Variants in PLCD4 observed in about 807,000 individuals in gnomAD.
PLCD4 encodes the protein phospholipase C delta 4, also known as 1-phosphatidylinositol 4,5-bisphosphate phosphodiesterase delta-4.
A neutral mutation model predicts 90.2 loss-of-function variants in PLCD4; 63 were observed. The ratio of observed to expected loss-of-function variants is 0.70; its 90% CI spans 0.57 to 0.86. The LOEUF (loss-of-function observed/expected upper bound fraction) is 0.86. PLCD4 is among the 40% of genes least tolerant of loss of function. PLCD4 has a pLI of 0.00. For synonymous variants in PLCD4, 294 were observed against 356.5 expected (o/e 0.82, Z 1.97); for missense variants, 830 against 956.3 (o/e 0.87, Z 1.74).
At chr2:218,633,913 T>C (rs1344705665) in intron 11 of PLCD4, 152 bp downstream of exon 11, 2 of 1,201,922 alleles carry the variant, frequency 1.7e-6, no homozygotes, top group Admixed American at 4.2e-5. Context: ...GGCAGAGGAG[T>C]TATGAATAGT....
At chr2:218,628,917 A>G (rs1696233589) in intron 7 of PLCD4, 1 of 154,074 alleles carries the variant, frequency 6.5e-6, no homozygotes, top group African/African-American at 2.4e-5. Flanking sequence ...TTGTATAGGG[A>G]TATAAAGCCA....
chr2:218,632,164 G>A lies in PLCD4; in HGVS notation c.1301G>A (p.Gly434Glu), dbSNP rs1696410255. 6.2e-7 allele frequency: 1 copy of A among 1,609,728 alleles called. No individual in the cohort carries two copies. The highest frequency in any genetic ancestry group is 8.5e-7 in the Non-Finnish European group (1 of 1,178,384). ...EELRRKILVK[G>E]KKLTLEEDLE... The stretch of plus-strand genomic sequence containing the variant: ...CTTCGGAGGAAGATCCTGGTGAAGG[G>A]GAAGAAGTTAACACTTGAGGAAGAC... The change falls in exon 10 of 16, where the codon GGG (glycine) becomes GAG (glutamate). Residue 434 changes from glycine to glutamate, a missense_variant. Gly to Glu is a moderately conservative substitution (Grantham distance 98, BLOSUM62 -2). Transcript: ENST00000450993.
intron 3 of PLCD4, among the ~76,000 whole-genome samples, chr2:218,616,384 C>T (rs1459918319): frequency 2.6e-5 from 4 of 152,114 alleles, no homozygotes; most frequent in African/African-American, 9.7e-5. Context: ...CTGGCTCTGC[C>T]ACTTTCTAAC....
chr2:218,623,532 T>C (rs569159478), intron 6 of PLCD4, among the ~76,000 whole-genome samples: 1 of 152,362 alleles, frequency 6.6e-6, no homozygotes, highest in Non-Finnish European at 1.5e-5. Context: ...GTGAGAAATT[T>C]ACATTAATAA....
At chr2:218,611,641 C>T (rs1695337211) in intron 1 of PLCD4, among the ~76,000 whole-genome samples, 1 of 152,182 alleles carries the variant, frequency 6.6e-6, no homozygotes, top group African/African-American at 2.4e-5. Context: ...CTCCGTCACC[C>T]AGGCTGGAGT....
At chr2:218,621,222 GCGTCTGGC>G (rs1575022712) in intron 4 of PLCD4, among the ~76,000 whole-genome samples, 1 of 152,208 alleles carries the variant, frequency 6.6e-6, no homozygotes, top group African/African-American at 2.4e-5. Flanking sequence ...ACGAGCCATC[GCGTCTGGC>G]CAGAATATAG....
Position 218,622,679 on chromosome 2 carries a change from A to G in PLCD4, c.573A>G (p.Glu191=), listed in dbSNP as rs1427225201. ...ACACGTCCCAGTCTGGAACCCTGGA[A>G]GGAGAAGAATTCGTACAGTTCTATA... ...AADTSQSGTL[E]GEEFVQFYKA... is the part of the protein sequence containing the mutation. Residue 191 remains glutamate, a synonymous_variant, in exon 6 of 16, where the codon GAA becomes GAG. Coordinates refer to ENST00000450993, the MANE Select transcript of PLCD4 (RefSeq NM_032726.4). 1.2e-6 allele frequency: 2 copies of G among 1,613,862 alleles called. No individual in the cohort carries two copies. The highest frequency in any genetic ancestry group is 2.7e-5 in the African/African-American group (2 of 74,926).
chr2:218,618,417 G>A (rs1474458932), intron 3 of PLCD4, among the ~76,000 whole-genome samples, 162 bp from the exon 4 acceptor site: 1 of 152,222 alleles, frequency 6.6e-6, no homozygotes, highest in Non-Finnish European at 1.5e-5. Context: ...AATCCCTGGG[G>A]TCTGCATCTC....
At chr2:218,619,372 C>T (rs1025464218) in intron 4 of PLCD4, among the ~76,000 whole-genome samples, 5 of 151,976 alleles carry the variant, frequency 3.3e-5, no homozygotes, top group Admixed American at 1.3e-4. Flanking sequence ...CAGCTCACTG[C>T]AACCTCTGCC....
chr2:218,629,729 G>T lies in PLCD4; in HGVS notation c.1119+66G>T, dbSNP rs1048495670. On this transcript the variant is annotated intron_variant, in intron 8 of 15. Coordinates refer to ENST00000450993, the MANE Select transcript of PLCD4 (RefSeq NM_032726.4). ...TCTGAGGGAAGAACGACTGGCTCTG[G>T]GTCTGGGGAGGGTGGAGGAGTACAG... The T allele has an allele frequency of 1.6e-4, 243 of 1,556,302 alleles. No homozygotes were observed. In the Middle Eastern group the frequency reaches 2.3e-3, roughly 15 times the overall value.
intron 6 of PLCD4, among the ~76,000 whole-genome samples, chr2:218,626,258 CAAAA>C (rs10616178): frequency 1.6e-4 from 21 of 135,232 alleles, no homozygotes; most frequent in Non-Finnish European, 1.6e-4. Flanking sequence ...CTCTGTCTCC[CAAAA>C]AAAAAAAAAA....
intron 9 of PLCD4, among the ~76,000 whole-genome samples, chr2:218,631,771 G>A (rs1183251878): frequency 6.8e-6 from 1 of 147,952 alleles, no homozygotes; most frequent in Non-Finnish European, 1.5e-5. Flanking sequence ...CAGCCCGGGC[G>A]ACAGTGCGAG....
intron 6 of PLCD4, among the ~76,000 whole-genome samples, chr2:218,624,066 T>TTCC (rs1696001293): frequency 6.6e-6 from 1 of 152,218 alleles, no homozygotes; most frequent in African/African-American, 2.4e-5. Flanking sequence ...AACTGAGGTT[T>TTCC]AGAAAGATTC....
intron 3 of PLCD4, among the ~76,000 whole-genome samples, chr2:218,617,664 C>T (rs1281375035): frequency 6.6e-6 from 1 of 152,098 alleles, no homozygotes; most frequent in African/African-American, 2.4e-5. Context: ...AATTTGATCA[C>T]AGGACACATC....
chr2:218,612,882 A>G (rs1215209134), intron 1 of PLCD4, among the ~76,000 whole-genome samples: 1 of 152,222 alleles, frequency 6.6e-6, no homozygotes, highest in Non-Finnish European at 1.5e-5. Flanking sequence ...GTGACTTTAT[A>G]GGGTCTTCCC....
intron 6 of PLCD4, among the ~76,000 whole-genome samples, chr2:218,623,884 T>C (rs1695993752): frequency 6.6e-6 from 1 of 152,164 alleles, no homozygotes; most frequent in African/African-American, 2.4e-5. Flanking sequence ...GGTTTCACCA[T>C]GTTGGTCAGG....
chr2:218,627,802 G>A (rs1559271815), intron 6 of PLCD4, among the ~76,000 whole-genome samples: 2 of 152,176 alleles, frequency 1.3e-5, no homozygotes, highest in Admixed American at 6.5e-5. Context: ...GTGAGGCACC[G>A]CGCCCAGCCT....
intron 3 of PLCD4, among the ~76,000 whole-genome samples, chr2:218,616,651 A>T (rs572368602): frequency 6.6e-6 from 1 of 151,532 alleles, no homozygotes; most frequent in East Asian, 2.0e-4. Context: ...CAGGAAGTTG[A>T]GACTGCAGTG....
At chr2:218,633,353 G>A (rs1421849879) in intron 10 of PLCD4, 2 of 703,410 alleles carry the variant, frequency 2.8e-6, no homozygotes, top group Admixed American at 4.0e-5. Context: ...AGCAGTACAT[G>A]CAGACCGCCT....
Sources: allele counts gnomAD v4.1 joint callset (sites outside exome capture counted in the v4.1 genomes callset), GRCh38; gene constraint gnomAD v4.1.1; transcripts MANE v1.5; gene names NCBI Gene and HGNC (gene_info 2026-07-23, HGNC 2026-07-21).